The following SDK2 variants were observed in gnomAD, a reference collection of about 807,000 sequenced individuals.
SDK2 encodes the protein protein sidekick-2.
In SDK2, 105 loss-of-function variants were observed where a neutral mutation model predicts 253.9. The observed-to-expected ratio is 0.41, with a 90% CI of 0.35 to 0.49. The LOEUF (loss-of-function observed/expected upper bound fraction) is 0.49, where lower values mean the gene tolerates loss of function less well. Among genes scored for constraint, SDK2 ranks in the 20% least tolerant of loss-of-function variants. The pLI, the probability that SDK2 is intolerant of heterozygous loss-of-function variation, is 0.06. For synonymous variants in SDK2, 1,249 were observed against 1,234.9 expected (o/e 1.01, Z -0.24); for missense variants, 2,608 against 3,003.0 (o/e 0.87, Z 3.07).
chr17:73,373,492 G>C (rs1326186461), intron 36 of SDK2, among the ~76,000 whole-genome samples: 1 of 152,082 alleles, frequency 6.6e-6, no homozygotes, highest in Non-Finnish European at 1.5e-5. Flanking sequence ...GCGTGCAAAG[G>C]TTCCCTTTTC....
chr17:73,460,140 G>T (rs9892036), intron 3 of SDK2, among the ~76,000 whole-genome samples: 26,786 of 152,158 alleles, frequency 0.18, 2,465 homozygotes, highest in Middle Eastern at 0.26. Context: ...CTAGGTCATC[G>T]AAACGATACA....
intron 1 of SDK2, among the ~76,000 whole-genome samples, chr17:73,619,633 C>G (rs553067648): frequency 6.6e-5 from 10 of 152,066 alleles, no homozygotes; most frequent in Non-Finnish European, 1.3e-4. Context: ...AACCATAAAA[C>G]TCTTAGAAGA....
At chr17:73,532,732 T>C (rs2064179870) in intron 1 of SDK2, among the ~76,000 whole-genome samples, 1 of 152,088 alleles carries the variant, frequency 6.6e-6, no homozygotes, top group Non-Finnish European at 1.5e-5. Context: ...CTGGAGGCTC[T>C]CTCTTGTCCC....
At chr17:73,514,711 GCTT>G (rs1348082738) in intron 1 of SDK2, among the ~76,000 whole-genome samples, 1 of 152,130 alleles carries the variant, frequency 6.6e-6, no homozygotes, top group Non-Finnish European at 1.5e-5. Flanking sequence ...TCTTTTTGCG[GCTT>G]CTTCTCAGGC....
At chr17:73,409,791 T>C (rs2063110499) in intron 18 of SDK2, among the ~76,000 whole-genome samples, 2 of 152,078 alleles carry the variant, frequency 1.3e-5, no homozygotes, top group African/African-American at 4.8e-5. Flanking sequence ...GTATTGAAAA[T>C]GTTATCTACA....
At chr17:73,572,052 A>G (rs1466862707) in intron 1 of SDK2, among the ~76,000 whole-genome samples, 2 of 152,108 alleles carry the variant, frequency 1.3e-5, no homozygotes, top group Non-Finnish European at 2.9e-5. Flanking sequence ...TGTGCCTGGG[A>G]AAGATGGACA....
chr17:73,384,101 A>G, intron 32 of SDK2, 90 bp from the exon 33 acceptor site: 4 of 1,389,180 alleles, frequency 2.9e-6, no homozygotes, highest in Non-Finnish European at 4.0e-6. Context: ...GCAGCCACAG[A>G]GCAGGGACTA....
At chr17:73,582,591 C>T (rs1218994702) in intron 1 of SDK2, among the ~76,000 whole-genome samples, 1 of 152,204 alleles carries the variant, frequency 6.6e-6, no homozygotes, top group Non-Finnish European at 1.5e-5. Context: ...GGCCAGGCTC[C>T]CGGAAGGCTC....
At chr17:73,576,458 G>C (rs2045460154) in intron 1 of SDK2, among the ~76,000 whole-genome samples, 1 of 152,218 alleles carries the variant, frequency 6.6e-6, no homozygotes, top group Non-Finnish European at 1.5e-5. Context: ...TAAAATGGCA[G>C]AAGCAAAGAG....
chr17:73,462,107 T>A (rs2063566823), intron 3 of SDK2, among the ~76,000 whole-genome samples: 1 of 151,950 alleles, frequency 6.6e-6, no homozygotes, highest in Non-Finnish European at 1.5e-5. Context: ...GGATGGTTGT[T>A]TATGCACGTT....
intron 1 of SDK2, among the ~76,000 whole-genome samples, chr17:73,568,830 G>A (rs2045343731): frequency 6.6e-6 from 1 of 152,124 alleles, no homozygotes; most frequent in Non-Finnish European, 1.5e-5. Flanking sequence ...GAAGGAACAT[G>A]CTTTATCTTC....
chr17:73,578,586 G>A (rs2045489933), intron 1 of SDK2, among the ~76,000 whole-genome samples: 1 of 152,154 alleles, frequency 6.6e-6, no homozygotes, highest in South Asian at 2.1e-4. Context: ...TTGGGGAGCT[G>A]GGAGGACATG....
At chr17:73,494,721 C>A (rs1187777859) in intron 2 of SDK2, among the ~76,000 whole-genome samples, 1 of 152,228 alleles carries the variant, frequency 6.6e-6, no homozygotes, top group Non-Finnish European at 1.5e-5. Context: ...CTCTCCCTCC[C>A]ATCTGCCACC....
At chr17:73,449,474 C>T (rs1211626834) in intron 4 of SDK2, among the ~76,000 whole-genome samples, 2 of 152,064 alleles carry the variant, frequency 1.3e-5, no homozygotes, top group East Asian at 1.9e-4. Context: ...TGCTGGTTTT[C>T]GCCCCACTCT....
At chr17:73,602,360 C>T (rs2045853300) in intron 1 of SDK2, among the ~76,000 whole-genome samples, 1 of 152,152 alleles carries the variant, frequency 6.6e-6, no homozygotes, top group Non-Finnish European at 1.5e-5. Flanking sequence ...CCTCTTCCTC[C>T]ATGGCATCCT....
intron 39 of SDK2, 62 bp from the exon 40 acceptor site, chr17:73,358,266 C>T (rs1599481202): frequency 5.8e-6 from 9 of 1,542,658 alleles, no homozygotes; most frequent in Non-Finnish European, 7.8e-6. Flanking sequence ...CAGCCCGTCA[C>T]CCTGGGCTCG....
chr17:73,459,491 GA>G (rs2063549975), intron 3 of SDK2, among the ~76,000 whole-genome samples: 1 of 152,200 alleles, frequency 6.6e-6, no homozygotes, highest in Non-Finnish European at 1.5e-5. Flanking sequence ...AGGAAGCCAA[GA>G]GTCACCAAGG....
chr17:73,388,722 T>C (rs559500616), intron 29 of SDK2, among the ~76,000 whole-genome samples: 237 of 147,184 alleles, frequency 1.6e-3, no homozygotes, highest in African/African-American at 5.7e-3. Context: ...GTACATTTTC[T>C]TCTTCCTTCC....
Position 73,466,000 on chromosome 17 carries a change from C to A in SDK2, c.331+6112G>T, listed in dbSNP as rs1236208280. ...CTGCAGCAGGCCTGAAGCACAGAAT[C>A]CTGGGAGGGCCCCAGACTGGGGTAG... On this transcript the variant is annotated intron_variant, in intron 3 of 44. Coordinates refer to ENST00000392650, the MANE Select transcript of SDK2 (RefSeq NM_001144952.2). The surrounding 1 kb of genome is among the most constrained non-coding windows in gnomAD (Gnocchi z 4.2). Among the ~76,000 whole-genome samples the A allele has an allele frequency of 6.6e-6, 1 of 152,184 alleles. No individual in the cohort carries two copies. Among genetic ancestry groups the A allele is most frequent in the African/African-American group, 2.4e-5 (1 of 41,442 alleles).
Sources: allele counts gnomAD v4.1 joint callset (sites outside exome capture counted in the v4.1 genomes callset), GRCh38; gene constraint gnomAD v4.1.1; non-coding constraint Gnocchi (gnomAD v3.1); transcripts MANE v1.5; gene names NCBI Gene and HGNC (gene_info 2026-07-23, HGNC 2026-07-21).